The following PAPPA variants were observed in gnomAD, a reference collection of about 807,000 sequenced individuals.
PAPPA encodes the protein pappalysin 1.
A neutral mutation model predicts 164.0 loss-of-function variants in PAPPA; 60 were observed. That is an observed-to-expected ratio of 0.37 (90% CI 0.30 to 0.45). The LOEUF (loss-of-function observed/expected upper bound fraction) is 0.45. Among genes scored for constraint, PAPPA ranks in the 20% least tolerant of loss-of-function variants. PAPPA has a pLI of 1.00. For missense variants in PAPPA, 1,782 were observed against 2,087.3 expected, an observed-to-expected ratio of 0.85 and a Z score of 2.85; for synonymous variants, 875 against 814.1, an observed-to-expected ratio of 1.07 and a Z score of -1.27.
intron 10 of PAPPA, among the ~76,000 whole-genome samples, chr9:116,304,920 G>T (rs574729143): frequency 6.6e-6 from 1 of 152,182 alleles, no homozygotes; most frequent in Non-Finnish European, 1.5e-5. Context: ...TTGCCATAAT[G>T]AGATCAGCTC....
intron 17 of PAPPA, among the ~76,000 whole-genome samples, chr9:116,358,693 GAGA>G (rs772501912): frequency 2.0e-4 from 30 of 152,140 alleles, no homozygotes; most frequent in Non-Finnish European, 2.9e-4. Flanking sequence ...GTCTTCTAAG[GAGA>G]AGAAGTCTAC....
At chr9:116,385,189 G>C (rs933381757) in intron 21 of PAPPA, among the ~76,000 whole-genome samples, 2 of 151,754 alleles carry the variant, frequency 1.3e-5, no homozygotes, top group African/African-American at 4.8e-5. Context: ...AGCCGATATC[G>C]TGCCACTGTA....
At chr9:116,285,167 C>CTTTTT (rs1177249949) in intron 9 of PAPPA, among the ~76,000 whole-genome samples, 4 of 90,090 alleles carry the variant, frequency 4.4e-5, no homozygotes, top group South Asian at 4.1e-4. Context: ...TCTTTTCTTT[C>CTTTTT]TTTCTTTTTT....
At position 116,186,648 on chromosome 9, in the gene PAPPA, GA is replaced by G. The variant is rs1564177097; in HGVS notation, c.416-505del. ...TCAAAGTTCTGGTAACTATGGTAGG[GA>G]CCTCCCTTCTAAATGAGCATCTTCT... On this transcript the variant is annotated intron_variant, in intron 1 of 21. Coordinates refer to ENST00000328252, the MANE Select transcript of PAPPA (RefSeq NM_002581.5). Among the ~76,000 whole-genome samples the G allele has an allele frequency of 2.0e-5, 3 of 152,002 alleles. No individual in the cohort carries two copies. In the South Asian group the frequency reaches 6.2e-4, roughly 32 times the overall value.
At chr9:116,268,514 G>A (rs1845097967) in intron 8 of PAPPA, among the ~76,000 whole-genome samples, 1 of 151,984 alleles carries the variant, frequency 6.6e-6, no homozygotes, top group Non-Finnish European at 1.5e-5. Flanking sequence ...ATTGTGATTT[G>A]GGAATTTCTA....
intron 19 of PAPPA, among the ~76,000 whole-genome samples, chr9:116,368,395 C>T (rs1309022204): frequency 6.6e-6 from 1 of 152,308 alleles, no homozygotes; most frequent in Non-Finnish European, 1.5e-5. Context: ...ACACTGAAAT[C>T]TCGGAAGTGA....
intron 9 of PAPPA, among the ~76,000 whole-genome samples, chr9:116,278,727 G>A (rs1328435832): frequency 1.3e-5 from 2 of 151,996 alleles, no homozygotes; most frequent in African/African-American, 4.8e-5. Context: ...AGAGGAGCTT[G>A]AGTTCAAATG....
chr9:116,252,374 A>G lies in PAPPA; in HGVS notation c.2733-13483A>G, dbSNP rs1373410004. 2.0e-5 allele frequency among the ~76,000 whole-genome samples: 3 copies of G among 152,380 alleles called. No individual in the cohort carries two copies. The East Asian group carries it at 5.8e-4, about 29-fold the overall frequency. ...ATCCAGACAATGGGTTGGAGCTCAC[A>G]GTGACCACCAGGAGAAATAAGAAAA... On this transcript the variant is annotated intron_variant, in intron 7 of 21. Transcript: ENST00000328252.
chr9:116,334,075 GGGCTACACCA>G (rs917920537), intron 12 of PAPPA, among the ~76,000 whole-genome samples: 1 of 151,856 alleles, frequency 6.6e-6, no homozygotes, highest in Admixed American at 6.6e-5. Flanking sequence ...TATTAGGAAG[GGGCTACACCA>G]GCATTTAAAC....
At chr9:116,272,650 C>A (rs1845150969) in intron 9 of PAPPA, among the ~76,000 whole-genome samples, 1 of 152,244 alleles carries the variant, frequency 6.6e-6, no homozygotes, top group South Asian at 2.1e-4. Context: ...TAGGTAGATG[C>A]CCCAGGAGAA....
chr9:116,178,912 G>A (rs1225173385), intron 1 of PAPPA, among the ~76,000 whole-genome samples: 3 of 152,184 alleles, frequency 2.0e-5, no homozygotes, highest in Non-Finnish European at 4.4e-5. Context: ...ATGAGCAAAG[G>A]AGGAAGGCTG....
chr9:116,225,190 C>A (rs980437573), intron 5 of PAPPA, among the ~76,000 whole-genome samples: 3 of 152,200 alleles, frequency 2.0e-5, no homozygotes, highest in African/African-American at 7.2e-5. Flanking sequence ...ACATTTGTAA[C>A]CCCAGTGTCA....
At chr9:116,183,573 T>C (rs1843932514) in intron 1 of PAPPA, among the ~76,000 whole-genome samples, 1 of 152,170 alleles carries the variant, frequency 6.6e-6, no homozygotes, top group African/African-American at 2.4e-5. Context: ...GATTAAGTTA[T>C]GTTCATATAG....
intron 10 of PAPPA, among the ~76,000 whole-genome samples, chr9:116,312,288 C>CTTTTTTTTTTTTTTTTTTTTTT (rs5900201): frequency 8.5e-5 from 11 of 129,630 alleles, no homozygotes; most frequent in African/African-American, 1.1e-4. Flanking sequence ...TTCTTTCTTT[C>CTTTTTTTTTTTTTTTTTTTTTT]TTTTTTTTTT....
intron 7 of PAPPA, among the ~76,000 whole-genome samples, chr9:116,250,567 C>T (rs1052552696): frequency 1.3e-5 from 2 of 152,130 alleles, no homozygotes; most frequent in Admixed American, 6.6e-5. Context: ...ATTTGTGTTT[C>T]CTTCTTGAGC....
intron 6 of PAPPA, among the ~76,000 whole-genome samples, chr9:116,231,695 ATGGATGGATGGATGGATGGATG>A (rs1161832680): frequency 3.4e-5 from 5 of 147,714 alleles, no homozygotes; most frequent in African/African-American, 1.2e-4. Context: ...GGATGGATGG[ATGGATGGATGGATGGATGGATG>A]GATAGTGTCT....
At chr9:116,302,212 T>C (rs1173271885) in intron 9 of PAPPA, among the ~76,000 whole-genome samples, 1 of 152,212 alleles carries the variant, frequency 6.6e-6, no homozygotes, top group African/African-American at 2.4e-5. Context: ...AAAGTGTTTG[T>C]GAACTTTTTA....
At chr9:116,317,691 G>C (rs1845804258) in intron 10 of PAPPA, among the ~76,000 whole-genome samples, 1 of 152,130 alleles carries the variant, frequency 6.6e-6, no homozygotes, top group Non-Finnish European at 1.5e-5. Context: ...TACTGCTCTA[G>C]AACTGACAAT....
At chr9:116,227,788 G>T (rs2118724479) in intron 6 of PAPPA, among the ~76,000 whole-genome samples, 1 of 152,216 alleles carries the variant, frequency 6.6e-6, no homozygotes, top group African/African-American at 2.4e-5. Flanking sequence ...AAGACAATAA[G>T]ATATTAAAGA....
Sources: gnomAD v4.1 joint callset for allele counts (sites outside exome capture counted in the v4.1 genomes callset) on GRCh38, gnomAD v4.1.1 for gene constraint, MANE v1.5 for transcripts, NCBI Gene and HGNC (gene_info 2026-07-23, HGNC 2026-07-21) for gene names.